Variants in TRHDE observed in about 807,000 individuals in gnomAD.
TRHDE encodes thyrotropin releasing hormone degrading enzyme.
A neutral mutation model predicts 125.7 loss-of-function variants in TRHDE; 72 were observed. The ratio of observed to expected loss-of-function variants is 0.57; its 90% confidence interval spans 0.47 to 0.70. The LOEUF (loss-of-function observed/expected upper bound fraction) is 0.70, where lower values mean the gene tolerates loss of function less well. Ranked by LOEUF, TRHDE falls within the 30% of genes least tolerant of loss-of-function variation. TRHDE has a pLI of 0.00. For missense variants in TRHDE, 1,110 were observed against 1,327.1 expected, an observed-to-expected ratio of 0.84 and a Z score of 2.54; for synonymous variants, 509 against 509.1, an observed-to-expected ratio of 1.00 and a Z score of 0.00.
chr12:72,099,559 G>A (rs1044410388), intron 1 of TRHDE, among the ~76,000 whole-genome samples: 4 of 152,038 alleles, frequency 2.6e-5, no homozygotes, highest in African/African-American at 9.7e-5. Context: ...CTTCGACTCA[G>A]CTATATATCA....
At chr12:72,154,827 T>A (rs572380171) in intron 2 of TRHDE, among the ~76,000 whole-genome samples, 254 of 152,316 alleles carry the variant, frequency 1.7e-3, no homozygotes, top group Middle Eastern at 0.01. Context: ...GCCCTTAACA[T>A]TTTTTCCTTC....
intron 12 of TRHDE, among the ~76,000 whole-genome samples, chr12:72,604,876 T>C (rs536387839): frequency 6.6e-6 from 1 of 152,180 alleles, no homozygotes; most frequent in Admixed American, 6.5e-5. Context: ...GGTAAATCTA[T>C]ACCATTAATG....
chr12:72,419,094 T>C (rs912733805), intron 3 of TRHDE, among the ~76,000 whole-genome samples: 1 of 152,118 alleles, frequency 6.6e-6, no homozygotes, highest in East Asian at 1.9e-4. Flanking sequence ...AAAAGCAGCT[T>C]TGCCATCCAA....
chr12:72,421,318 G>T (rs1465397240), intron 3 of TRHDE, among the ~76,000 whole-genome samples: 1 of 152,156 alleles, frequency 6.6e-6, no homozygotes, highest in Admixed American at 6.5e-5. Flanking sequence ...TTATAATTTG[G>T]AGGGTTCTTA....
Position 72,568,506 on chromosome 12 carries a change from G to T in TRHDE, c.2043-62G>T, listed in dbSNP as rs568979590. The stretch of plus-strand genomic sequence containing the variant: ...ATCACACAGAAGGCGCATGGGAAAT[G>T]TTTTTTGTTTTTGTTTCGATATAGT... On this transcript the variant is annotated intron_variant, in intron 9 of 18. Coordinates refer to ENST00000261180, the MANE Select transcript of TRHDE (RefSeq NM_013381.3). The T allele has an allele frequency of 2.4e-6, 3 of 1,240,872 alleles. No individual in the cohort carries two copies. In the East Asian group the frequency reaches 7.1e-5, roughly 29 times the overall value. 76.9% of individuals were successfully genotyped at this position (1,240,872 alleles called of 1,614,324 possible).
chr12:72,395,819 A>G (rs1267744921), intron 3 of TRHDE, among the ~76,000 whole-genome samples: 2 of 152,152 alleles, frequency 1.3e-5, no homozygotes, highest in Non-Finnish European at 2.9e-5. Context: ...ATTTAGCTTT[A>G]CTATTCTCCA....
chr12:72,290,379 C>A (rs748016133), intron 2 of TRHDE, among the ~76,000 whole-genome samples: 38 of 152,154 alleles, frequency 2.5e-4, no homozygotes, highest in Non-Finnish European at 5.1e-4. Flanking sequence ...ATTACCTTAA[C>A]CTCTTTTTAT....
At chr12:72,472,943 C>A in intron 4 of TRHDE, 124 bp from the exon 5 acceptor site, 2 of 789,874 alleles carry the variant, frequency 2.5e-6, no homozygotes, top group African/African-American at 1.8e-5. Context: ...ATTTTAAGAT[C>A]ACAAAATCAA....
At chr12:72,221,926 A>T (rs924987914) in intron 2 of TRHDE, among the ~76,000 whole-genome samples, 2 of 152,088 alleles carry the variant, frequency 1.3e-5, no homozygotes, top group African/African-American at 4.8e-5. Context: ...GTTTGGAGCA[A>T]CTGGGTTCTG....
At chr12:72,491,215 G>T (rs1877664753) in intron 5 of TRHDE, among the ~76,000 whole-genome samples, 1 of 151,658 alleles carries the variant, frequency 6.6e-6, no homozygotes, top group Non-Finnish European at 1.5e-5. Context: ...ATTTTTAAAG[G>T]GTTATATGAA....
chr12:72,533,577 T>C (rs901478134), intron 6 of TRHDE, among the ~76,000 whole-genome samples: 14 of 152,070 alleles, frequency 9.2e-5, no homozygotes, highest in African/African-American at 3.4e-4. Context: ...TGTGCCCATT[T>C]TTAGTATTTG....
At chr12:72,306,683 A>G (rs184569614) in intron 2 of TRHDE, 1 of 152,182 alleles carries the variant, frequency 6.6e-6, no homozygotes, top group Non-Finnish European at 1.5e-5. Context: ...GGCACTGGGG[A>G]CACAGCAGTA....
At chr12:72,552,071 T>C (rs1869701759) in intron 7 of TRHDE, among the ~76,000 whole-genome samples, 1 of 152,176 alleles carries the variant, frequency 6.6e-6, no homozygotes, top group African/African-American at 2.4e-5. Flanking sequence ...CAGCCAACCA[T>C]GCATTGCCCA....
At position 72,094,628 on chromosome 12, in the gene TRHDE, G is replaced by T. The variant is rs145472148; in HGVS notation, n.174+7189G>T. 1.0e-3 allele frequency among the ~76,000 whole-genome samples: 158 copies of T among 152,360 alleles called. 4 individuals carry two copies. In the East Asian group the frequency reaches 0.017, roughly 16 times the overall value. The stretch of plus-strand genomic sequence containing the variant: ...AGCTTAAGGACAGGACCACTTCAGG[G>T]TCCTAGCTGGGACTGAGGTCGGCAG... On this transcript the variant is annotated intron_variant and non_coding_transcript_variant, in intron 1 of 4. Transcript: ENST00000548156.
intron 2 of TRHDE, among the ~76,000 whole-genome samples, chr12:72,340,027 G>T (rs138353395): frequency 4.6e-5 from 7 of 152,342 alleles, no homozygotes; most frequent in African/African-American, 1.7e-4. Context: ...CGAGGCTTCA[G>T]TTGCAACTGC....
At chr12:72,098,162 C>T (rs1420628824) in intron 1 of TRHDE, among the ~76,000 whole-genome samples, 2 of 152,230 alleles carry the variant, frequency 1.3e-5, no homozygotes, top group East Asian at 1.9e-4. Flanking sequence ...GAATTATAGA[C>T]GTGAGCCACT....
intron 2 of TRHDE, among the ~76,000 whole-genome samples, chr12:72,266,036 T>G (rs1879060345): frequency 6.6e-6 from 1 of 151,982 alleles, no homozygotes; most frequent in Non-Finnish European, 1.5e-5. Context: ...ATTACCTCAT[T>G]TAAACAGCTA....
chr12:72,578,401 G>A (rs908034831), intron 12 of TRHDE, among the ~76,000 whole-genome samples: 1 of 152,114 alleles, frequency 6.6e-6, no homozygotes, highest in African/African-American at 2.4e-5. Context: ...CCCATTACAT[G>A]AAATTTCTTG....
At chr12:72,419,936 T>C (rs916807590) in intron 3 of TRHDE, among the ~76,000 whole-genome samples, 3 of 152,092 alleles carry the variant, frequency 2.0e-5, no homozygotes, top group Admixed American at 1.3e-4. Context: ...AAAATAAGAA[T>C]GGAAATGGAG....
Sources: gnomAD v4.1 joint callset for allele counts (sites outside exome capture counted in the v4.1 genomes callset) on GRCh38, gnomAD v4.1.1 for gene constraint, MANE v1.5 for transcripts, NCBI Gene and HGNC (gene_info 2026-07-23, HGNC 2026-07-21) for gene names.